The following NBPF12 variants were observed in gnomAD, a reference collection of about 807,000 sequenced individuals.
NBPF12 encodes NBPF family member NBPF12.
Under a neutral mutation model 146.4 loss-of-function variants are expected in NBPF12, and 115 were observed. The observed-to-expected ratio is 0.79, with a 90% CI of 0.68 to 0.92. NBPF12 has a LOEUF of 0.92. Among genes scored for constraint, NBPF12 ranks in the 40% least tolerant of loss-of-function variants. NBPF12 has a pLI of 0.00. For missense variants in NBPF12, 1,205 were observed against 1,326.8 expected (o/e 0.91, Z 1.43); for synonymous variants, 385 against 508.9 (o/e 0.76, Z 3.28).
chr1:146,962,303 G>T, intron 5 of NBPF12, 40 bp downstream of exon 8: 1 of 1,529,626 alleles, frequency 6.5e-7, no homozygotes, highest in Non-Finnish European at 9.0e-7. Flanking sequence ...GGGTAGGTGT[G>T]TAGATCTCTG....
chr1:146,984,268 A>G (rs1165742531), intron 21 of NBPF12, 83 bp downstream of exon 24: 8 of 834,000 alleles, frequency 9.6e-6, no homozygotes, highest in Non-Finnish European at 1.7e-5. Context: ...CACGCTGAAA[A>G]TAATGATTTT....
Position 146,969,612 on chromosome 1 carries a change from G to T in NBPF12, c.1306+16G>T, listed in dbSNP as rs1221670985. On this transcript the variant is annotated intron_variant, in intron 11 of 33. Transcript: ENST00000617844. ...CTCAGCCCAGGTAAGGTGGCCACAG[G>T]CCCTGATGACCCAAAACCCCAGGCT... 1.9e-6 allele frequency: 3 copies of T among 1,609,754 alleles called. No homozygotes were observed. Among genetic ancestry groups the T allele is most frequent in the African/African-American group, 1.3e-5 (1 of 74,082 alleles).
chr1:146,994,451 G>A (rs782069903), exon 34 of NBPF12: 11 of 1,611,734 alleles, frequency 6.8e-6, no homozygotes, highest in Admixed American at 1.7e-5. Context: ...CACTACAGAA[G>A]TGTGTTTTAC....
upstream of NBPF12, among the ~76,000 whole-genome samples, chr1:146,947,776 T>C (rs1553883493): frequency 2.0e-5 from 3 of 151,012 alleles, no homozygotes; most frequent in Non-Finnish European, 4.4e-5. Flanking sequence ...GTGTTCGTTT[T>C]GTGACAAGTA....
intron 13 of NBPF12, among the ~76,000 whole-genome samples, chr1:146,972,417 AAG>A (rs1251696641): frequency 5.5e-5 from 8 of 145,934 alleles, no homozygotes; most frequent in African/African-American, 1.4e-4. Flanking sequence ...AAAACCAAAA[AAG>A]AAAAAAATTA....
chr1:146,984,979 A>G (rs1184579466), exon 22 of NBPF12: 13 of 1,273,716 alleles, frequency 1.0e-5, no homozygotes, highest in Non-Finnish European at 1.5e-5. Context: ...GGCTGTTGAC[A>G]TGGATGGTGA....
intron 2 of NBPF12, among the ~76,000 whole-genome samples, chr1:146,952,500 G>A (rs2101826484): frequency 6.6e-6 from 1 of 151,704 alleles, no homozygotes; most frequent in East Asian, 1.9e-4. Flanking sequence ...ACAACTGTTG[G>A]AACAACAGTT....
At chr1:146,966,657 G>C (rs1656232227) in exon 9 of NBPF12, 9 of 1,414,886 alleles carry the variant, frequency 6.4e-6, no homozygotes, top group Middle Eastern at 2.3e-4. Context: ...TCCTGGCCAA[G>C]CAGCAGAACA....
chr1:146,981,724 C>T (rs1182822334), intron 19 of NBPF12, among the ~76,000 whole-genome samples: 3 of 151,850 alleles, frequency 2.0e-5, no homozygotes, highest in Non-Finnish European at 4.4e-5. Context: ...TCACATAGTC[C>T]CATATTTATT....
upstream of NBPF12, among the ~76,000 whole-genome samples, chr1:146,947,191 A>AT (rs1448414894): frequency 4.0e-5 from 6 of 151,578 alleles, no homozygotes; most frequent in Non-Finnish European, 8.8e-5. Context: ...AATGTGTAAG[A>AT]TTCCCCCTTA....
intron 9 of NBPF12, 39 bp from the exon 13 acceptor site, chr1:146,968,409 C>G: frequency 6.7e-7 from 1 of 1,496,990 alleles, no homozygotes; most frequent in South Asian, 1.1e-5. Flanking sequence ...GCAGCATGTC[C>G]AGCCTTCCAC....
chr1:146,964,318 G>C, intron 6 of NBPF12, 39 bp from the exon 10 acceptor site: 1 of 1,599,326 alleles, frequency 6.3e-7, no homozygotes, highest in South Asian at 1.1e-5. Context: ...TGCAGAATGT[G>C]AAGTGGGACA....
chr1:146,975,240 C>T lies in NBPF12; in HGVS notation c.1904+399C>T, dbSNP rs1191614863. On this transcript the variant is annotated intron_variant, in intron 15 of 33. Coordinates refer to ENST00000617844, the Ensembl canonical transcript of NBPF12. ...TTTCACTCAATCAATGTTGCCTTCT[C>T]GACCCTGTCATTCTTTTCTTCTTTC... Among the ~76,000 whole-genome samples the T allele has an allele frequency of 2.7e-4, 37 of 136,158 alleles. 1 individual carries two copies. The highest frequency in any genetic ancestry group is 4.4e-4 in the Non-Finnish European group (29 of 65,186). 89.3% of individuals were successfully genotyped at this position (136,158 alleles called of 152,430 possible).
chr1:146,992,670 G>C (rs1472690008), intron 31 of NBPF12, 42 bp from the exon 35 acceptor site: 2 of 757,924 alleles, frequency 2.6e-6, no homozygotes, highest in African/African-American at 1.7e-5. Flanking sequence ...TGTTGTGTCT[G>C]ATTTCCCCTG....
At chr1:146,963,335 C>T (rs1655979045) in intron 6 of NBPF12, 26 bp downstream of exon 9, 1 of 1,610,942 alleles carries the variant, frequency 6.2e-7, no homozygotes. Flanking sequence ...GCCCTGATGA[C>T]CCAAAACCCC....
At position 146,974,906 on chromosome 1, in the gene NBPF12, A is replaced by G. The variant is rs1553887145; in HGVS notation, c.1904+65A>G. 5.1e-4 allele frequency: 491 copies of G among 953,944 alleles called. 15 individuals carry two copies. Among genetic ancestry groups the G allele is most frequent in the African/African-American group, 1.5e-3 (68 of 46,026 alleles). 59.1% of individuals were successfully genotyped at this position (953,944 alleles called of 1,614,324 possible). ...GTAAATCTCTGAAGTACAGTAGCTCAGTGGGGAGACGTAAGAGCTAAGCTG... is the reference window on the plus strand; with the variant it reads ...GTAAATCTCTGAAGTACAGTAGCTCGGTGGGGAGACGTAAGAGCTAAGCTG... On this transcript the variant is annotated intron_variant, in intron 15 of 33. Coordinates refer to ENST00000617844, the Ensembl canonical transcript of NBPF12.
At chr1:146,980,613 C>A (rs1192617290) in intron 19 of NBPF12, among the ~76,000 whole-genome samples, 2 of 151,916 alleles carry the variant, frequency 1.3e-5, no homozygotes, top group Non-Finnish European at 2.9e-5. Context: ...GTTGAAAATT[C>A]TTTTCTTTAA....
chr1:146,994,938 T>G (rs2101942761), exon 34 of NBPF12: 1 of 368,000 alleles, frequency 2.7e-6, no homozygotes. Flanking sequence ...TGTGTTTAGT[T>G]CATCCAAAGG....
At chr1:146,982,745 G>C (rs1385973458) in intron 19 of NBPF12, among the ~76,000 whole-genome samples, 183 bp from the exon 23 acceptor site, 1 of 151,342 alleles carries the variant, frequency 6.6e-6, no homozygotes, top group Admixed American at 6.6e-5. Context: ...TTTTTGCTCT[G>C]TCCCCAGAGC....
Sources: gnomAD v4.1 joint callset for allele counts (sites outside exome capture counted in the v4.1 genomes callset) on GRCh38, gnomAD v4.1.1 for gene constraint, MANE v1.5 for transcripts, NCBI Gene and HGNC (gene_info 2026-07-23, HGNC 2026-07-21) for gene names.